The following MRPL34 variants were observed in gnomAD, a reference collection of about 807,000 sequenced individuals.
The protein encoded by MRPL34 is mitochondrial ribosomal protein L34, also known as large ribosomal subunit protein bL34m.
MRPL34 carries 8 observed loss-of-function variants against 6.7 expected under a neutral mutation model. The observed-to-expected ratio is 1.20, with a 90% CI of 0.70 to 2.16. The LOEUF is 2.16. MRPL34 is among the 30% of genes most tolerant of loss of function. The pLI is 0.00. For missense variants in MRPL34, 146 were observed against 125.5 expected (o/e 1.16, Z -0.78); for synonymous variants, 59 against 55.1 (o/e 1.07, Z -0.31).
At chr19:17,294,428 C>G in intron 1 of MRPL34, 11 of 1,614,112 alleles carry the variant, frequency 6.8e-6, no homozygotes, top group Non-Finnish European at 9.3e-6. Context: ...GCCCGGAGTA[C>G]GAAGGATGAC....
upstream of MRPL34, among the ~76,000 whole-genome samples, chr19:17,300,212 C>A (rs1217166999): frequency 6.7e-6 from 1 of 149,946 alleles, no homozygotes; most frequent in Admixed American, 6.6e-5. Flanking sequence ...ATTTTTTTTT[C>A]TTTTTTAAAG....
chr19:17,305,903 T>C lies in MRPL34; in HGVS notation c.11T>C (p.Leu4Ser). 1 of 1,614,062 alleles carries C rather than the reference T, an allele frequency of 6.2e-7. No homozygotes were observed. The highest frequency in any genetic ancestry group is 8.5e-7 in the Non-Finnish European group (1 of 1,179,974). ...GGACCCACTGCGGATATGGCTGTCT[T>C]GGCTGGATCCCTGTTGGGCCCCACG... The part of the protein sequence containing the change: MAV[L>S]AGSLLGPTSR... The change falls in exon 1 of 2, where the codon TTG (leucine) becomes TCG (serine). Residue 4 changes from leucine to serine, a missense_variant. Coordinates refer to ENST00000252602, the MANE Select transcript of MRPL34 (RefSeq NM_023937.4).
chr19:17,292,957 C>T, intron 1 of MRPL34: 2 of 1,062,162 alleles, frequency 1.9e-6, no homozygotes, highest in Non-Finnish European at 2.6e-6. Flanking sequence ...ATCTACCCTG[C>T]ATCTCTCCAC....
exon 1 of MRPL34, chr19:17,292,814 G>A: frequency 6.2e-7 from 1 of 1,612,860 alleles, no homozygotes. Context: ...TGAGCTTCAG[G>A]AATGCCAGGA....
chr19:17,305,701 C>G (rs2074142498), upstream of MRPL34: 2 of 660,338 alleles, frequency 3.0e-6, no homozygotes, highest in Admixed American at 2.3e-5. Context: ...CAGAGCATCC[C>G]TGTGCCCCGC....
upstream of MRPL34, chr19:17,292,600 A>C: frequency 6.6e-7 from 1 of 1,508,370 alleles, no homozygotes; most frequent in South Asian, 1.3e-5. Flanking sequence ...GACCTGGCGC[A>C]GGCTCGGGCC....
At chr19:17,293,268 T>G (rs1568346366) in intron 1 of MRPL34, among the ~76,000 whole-genome samples, 1 of 151,872 alleles carries the variant, frequency 6.6e-6, no homozygotes, top group Non-Finnish European at 1.5e-5. Context: ...GCTAATTTTT[T>G]GTATTTTTAG....
chr19:17,303,014 G>A (rs1049264423), upstream of MRPL34: 1 of 152,156 alleles, frequency 6.6e-6, no homozygotes. Context: ...ACCTCGAGTG[G>A]GGCCCTAATC....
Position 17,306,501 on chromosome 19 carries a change from T to C in MRPL34, c.*122T>C, listed in dbSNP as rs2145667229. On this transcript the variant is annotated 3_prime_UTR_variant, in exon 2 of 2. Transcript: ENST00000252602. ...GCCTCGGACCTGAGTGCTCTCCATATTGTGGGGTTGAAGTCTGGATGGGAG... is the reference window on the plus strand; with the variant it reads ...GCCTCGGACCTGAGTGCTCTCCATACTGTGGGGTTGAAGTCTGGATGGGAG... 1 of 903,504 alleles carries C rather than the reference T, an allele frequency of 1.1e-6. No homozygotes were observed. Among genetic ancestry groups the C allele is most frequent in the East Asian group, 2.8e-5 (1 of 36,340 alleles). 56.0% of individuals were successfully genotyped at this position (903,504 alleles called of 1,614,324 possible).
At chr19:17,294,433 G>T in intron 1 of MRPL34, 1 of 1,614,138 alleles carries the variant, frequency 6.2e-7, no homozygotes, top group East Asian at 2.2e-5. Flanking sequence ...GAGTACGAAG[G>T]ATGACACGTT....
At chr19:17,306,092 G>C in intron 1 of MRPL34, 74 bp from the exon 2 acceptor site, 1 of 1,495,868 alleles carries the variant, frequency 6.7e-7, no homozygotes, top group Admixed American at 2.1e-5. Context: ...CGGGAGCCGA[G>C]GCTCAGAGAG....
At chr19:17,306,129 C>G (rs2145666514) in intron 1 of MRPL34, 37 bp from the exon 2 acceptor site, 1 of 1,498,218 alleles carries the variant, frequency 6.7e-7, no homozygotes, top group East Asian at 2.5e-5. Flanking sequence ...ACCCAGCGCC[C>G]CGTCTGACCT....
chr19:17,302,508 T>C (rs1381857355), upstream of MRPL34, among the ~76,000 whole-genome samples: 1 of 152,166 alleles, frequency 6.6e-6, no homozygotes, highest in African/African-American at 2.4e-5. Flanking sequence ...GGCTCTGAAT[T>C]TGACTCCTGA....
chr19:17,299,021 C>T (rs966715136), upstream of MRPL34, among the ~76,000 whole-genome samples: 8 of 152,118 alleles, frequency 5.3e-5, no homozygotes, highest in African/African-American at 1.4e-4. Flanking sequence ...GGATTACAGG[C>T]GTAAGCCACT....
chr19:17,301,650 C>A, upstream of MRPL34: 1 of 1,511,918 alleles, frequency 6.6e-7, no homozygotes, highest in South Asian at 1.3e-5. Flanking sequence ...GCAGCCAGTT[C>A]AGGTGCTGTC....
At chr19:17,301,543 T>C (rs151037617), upstream of MRPL34, 3,563 of 1,609,048 alleles carry the variant, frequency 2.2e-3, 23 homozygotes, top group Non-Finnish European at 1.8e-3. Context: ...CTCGACGCTC[T>C]CCAGTGGCCC....
upstream of MRPL34, chr19:17,301,399 G>C: frequency 1.2e-6 from 2 of 1,611,970 alleles, no homozygotes; most frequent in Non-Finnish European, 1.7e-6. Context: ...GACCAAGCCG[G>C]AGAGGTCCCC....
intron 1 of MRPL34, among the ~76,000 whole-genome samples, chr19:17,293,563 G>A (rs2145650703): frequency 6.6e-6 from 1 of 152,124 alleles, no homozygotes; most frequent in East Asian, 1.9e-4. Flanking sequence ...CCCACTAGAT[G>A]CCAGTAGTAC....
intron 1 of MRPL34, among the ~76,000 whole-genome samples, chr19:17,293,254 C>A (rs2074078960): frequency 6.6e-6 from 1 of 151,900 alleles, no homozygotes; most frequent in African/African-American, 2.4e-5. Context: ...CGCCACTACA[C>A]CCGGCTAATT....
Sources: gnomAD v4.1 joint callset for allele counts (sites outside exome capture counted in the v4.1 genomes callset) on GRCh38, gnomAD v4.1.1 for gene constraint, MANE v1.5 for transcripts, NCBI Gene and HGNC (gene_info 2026-07-23, HGNC 2026-07-21) for gene names.